CDIN1: variants seen among roughly 807,000 people sequenced by gnomAD.
CDIN1 encodes CDAN1-interacting nuclease 1.
In CDIN1, 33 loss-of-function variants were observed where a neutral mutation model predicts 45.3. The observed-to-expected ratio is 0.73, with a 90% CI of 0.55 to 0.97. The LOEUF (loss-of-function observed/expected upper bound fraction) is 0.97. Ranked by LOEUF, CDIN1 falls within the 50% of genes least tolerant of loss-of-function variation. CDIN1 has a pLI of 0.00. For synonymous variants in CDIN1, 118 were observed against 124.4 expected, an observed-to-expected ratio of 0.95 and a Z score of 0.34; for missense variants, 303 against 339.4, an observed-to-expected ratio of 0.89 and a Z score of 0.84.
At chr15:36,623,253 G>GA (rs1374686234) in intron 1 of CDIN1, among the ~76,000 whole-genome samples, 2 of 150,932 alleles carry the variant, frequency 1.3e-5, no homozygotes, top group African/African-American at 2.4e-5. Context: ...ATTAAAACCA[G>GA]AAAAAAAAGG....
chr15:36,783,075 C>CA (rs1409692093), intron 10 of CDIN1, among the ~76,000 whole-genome samples: 1 of 152,112 alleles, frequency 6.6e-6, no homozygotes, highest in Non-Finnish European at 1.5e-5. Flanking sequence ...CTCGGGTACT[C>CA]AGAGTATTAC....
At chr15:36,653,110 A>T (rs2040636416) in intron 3 of CDIN1, among the ~76,000 whole-genome samples, 1 of 152,210 alleles carries the variant, frequency 6.6e-6, no homozygotes, top group African/African-American at 2.4e-5. Flanking sequence ...AGCTTTCAAC[A>T]TTACAGTGGG....
In CDIN1 at chr15:36,654,175, G is replaced by T. The variant is rs2040688819; in HGVS notation, c.273+17G>T. ...GCCAATGAGGTAATGTTATTGTTATGATTTTATTTAAACCTGCGTGTAACC... is the reference window on the plus strand; with the variant it reads ...GCCAATGAGGTAATGTTATTGTTATTATTTTATTTAAACCTGCGTGTAACC... On this transcript the variant is annotated intron_variant, in intron 4 of 10. Transcript: ENST00000566621. 2.6e-6 allele frequency: 4 copies of T among 1,556,390 alleles called. No homozygotes were observed. The highest frequency in any genetic ancestry group is 3.5e-6 in the Non-Finnish European group (4 of 1,147,886).
At chr15:36,697,151 A>G (rs1178635495) in intron 7 of CDIN1, among the ~76,000 whole-genome samples, 172 bp from the exon 8 acceptor site, 1 of 152,050 alleles carries the variant, frequency 6.6e-6, no homozygotes, top group African/African-American at 2.4e-5. Context: ...GTTTTAAAAA[A>G]TTATAGAAAA....
intron 1 of CDIN1, among the ~76,000 whole-genome samples, chr15:36,582,018 CTG>C (rs2037069917): frequency 6.6e-6 from 1 of 152,192 alleles, no homozygotes; most frequent in South Asian, 2.1e-4. Context: ...CATCAGAAGT[CTG>C]TAAGATTTGA....
chr15:36,805,359 C>T (rs1179469364), intron 10 of CDIN1, among the ~76,000 whole-genome samples: 1 of 152,168 alleles, frequency 6.6e-6, no homozygotes, highest in Non-Finnish European at 1.5e-5. Flanking sequence ...GCAGACCAAC[C>T]TCTGCTGTGC....
intron 10 of CDIN1, among the ~76,000 whole-genome samples, chr15:36,747,747 G>A (rs1032496095): frequency 6.6e-6 from 1 of 152,076 alleles, no homozygotes; most frequent in Non-Finnish European, 1.5e-5. Flanking sequence ...TATAACTGCT[G>A]TCTACCACTT....
chr15:36,788,094 A>T (rs201131007), intron 10 of CDIN1, among the ~76,000 whole-genome samples: 2 of 37,692 alleles, frequency 5.3e-5, no homozygotes, highest in African/African-American at 1.7e-4. Context: ...ATATATATAT[A>T]TATATATATA....
intron 1 of CDIN1, chr15:36,616,995 A>G: frequency 1.5e-6 from 1 of 661,666 alleles, no homozygotes; most frequent in Admixed American, 2.3e-5. Context: ...TTCAGAACAA[A>G]AACTTATTTA....
In CDIN1 at chr15:36,579,724, G is replaced by C; in HGVS notation, c.-137G>C. On this transcript the variant is annotated 5_prime_UTR_variant, in exon 1 of 11. Transcript: ENST00000566621. ...TTTGCAGCTAGGGGTGTGTTTCAGG[G>C]GGGATTGGGGCAAGCCAAGCAGGCG... 1 of 649,582 alleles carries C rather than the reference G, an allele frequency of 1.5e-6. No individual in the cohort carries two copies. Among genetic ancestry groups the C allele is most frequent in the Non-Finnish European group, 2.6e-6 (1 of 381,356 alleles). 40.2% of individuals were successfully genotyped at this position (649,582 alleles called of 1,614,324 possible).
At chr15:36,769,273 G>T (rs139582813) in intron 10 of CDIN1, among the ~76,000 whole-genome samples, 1 of 152,268 alleles carries the variant, frequency 6.6e-6, no homozygotes, top group East Asian at 1.9e-4. Flanking sequence ...GATTGTGGGG[G>T]TTGCCAGCTC....
Position 36,808,901 on chromosome 15 carries a change from C to CA in CDIN1, c.*449dup, listed in dbSNP as rs2055318041. 1 of 456,278 alleles carries CA rather than the reference C, an allele frequency of 2.2e-6. No individual in the cohort carries two copies. Among genetic ancestry groups the CA allele is most frequent in the Admixed American group, 2.4e-5 (1 of 42,530 alleles). 28.3% of individuals were successfully genotyped at this position (456,278 alleles called of 1,614,324 possible). A position where few individuals can be genotyped will look rare whatever the true frequency, so the allele number is the denominator to read the frequency against. ...CTCCCTTTCTCTTCATGTGCACTCA[C>CA]AGAGACCCAGCATTGCATTACCATC... On this transcript the variant is annotated 3_prime_UTR_variant, in exon 11 of 11. Transcript: ENST00000566621.
At chr15:36,640,620 G>C in intron 1 of CDIN1, 2 of 985,314 alleles carry the variant, frequency 2.0e-6, no homozygotes, top group South Asian at 4.7e-5. Flanking sequence ...GCATACTCAA[G>C]AAGAGGAGGA....
intron 10 of CDIN1, among the ~76,000 whole-genome samples, chr15:36,746,727 G>A (rs2140957242): frequency 1.5e-5 from 2 of 129,502 alleles, no homozygotes; most frequent in Middle Eastern, 8.3e-3. Context: ...AGAAAACAAG[G>A]TATCATTAAA....
intron 5 of CDIN1, among the ~76,000 whole-genome samples, chr15:36,678,967 C>T (rs571104618): frequency 1.3e-5 from 2 of 152,294 alleles, no homozygotes; most frequent in African/African-American, 4.8e-5. Context: ...TCTTTACTTG[C>T]TTGGTTGCTA....
intron 10 of CDIN1, among the ~76,000 whole-genome samples, chr15:36,778,786 A>C (rs1257581534): frequency 6.6e-6 from 1 of 152,212 alleles, no homozygotes; most frequent in Non-Finnish European, 1.5e-5. Context: ...ACTCACTCTA[A>C]GCACACCCTA....
At chr15:36,664,108 C>G (rs1782986221) in intron 5 of CDIN1, among the ~76,000 whole-genome samples, 1 of 152,150 alleles carries the variant, frequency 6.6e-6, no homozygotes, top group African/African-American at 2.4e-5. Flanking sequence ...CAGGATGCAT[C>G]TGAGATTTAA....
chr15:36,803,797 A>T (rs1013003227), intron 10 of CDIN1, among the ~76,000 whole-genome samples: 9 of 152,210 alleles, frequency 5.9e-5, no homozygotes, highest in African/African-American at 2.2e-4. Flanking sequence ...ACATACTCTT[A>T]TTCTAACCAT....
chr15:36,763,067 C>T (rs578004293), intron 10 of CDIN1, among the ~76,000 whole-genome samples: 6 of 152,232 alleles, frequency 3.9e-5, no homozygotes, highest in South Asian at 2.1e-4. Flanking sequence ...GGAATCACCA[C>T]GCTGACTTCC....
Sources: allele counts gnomAD v4.1 joint callset (sites outside exome capture counted in the v4.1 genomes callset), GRCh38; gene constraint gnomAD v4.1.1; transcripts MANE v1.5; gene names NCBI Gene and HGNC (gene_info 2026-07-23, HGNC 2026-07-21).